Variants in PYGO1 observed in about 807,000 individuals in gnomAD.
PYGO1 encodes pygopus family PHD finger 1.
A neutral mutation model predicts 29.5 loss-of-function variants in PYGO1; 6 were observed. The ratio of observed to expected loss-of-function variants is 0.20; its 90% CI spans 0.11 to 0.40. PYGO1 has a LOEUF of 0.40. PYGO1 is among the 10% of genes least tolerant of loss of function. The probability of loss-of-function intolerance (pLI) is 1.00; values close to 1 mark genes in which losing one functional copy is unlikely to be tolerated. For missense variants in PYGO1, 515 were observed against 514.9 expected (o/e 1.00, Z 0.00); for synonymous variants, 186 against 180.5 (o/e 1.03, Z -0.24).
chr15:55,559,060 G>T (rs2058920699), intron 1 of PYGO1, among the ~76,000 whole-genome samples: 1 of 151,968 alleles, frequency 6.6e-6, no homozygotes, highest in Non-Finnish European at 1.5e-5. Context: ...CTACAGAATG[G>T]GAGAAAATTT....
intron 1 of PYGO1, among the ~76,000 whole-genome samples, chr15:55,578,036 C>G (rs2059010550): frequency 6.6e-6 from 1 of 152,098 alleles, no homozygotes; most frequent in Non-Finnish European, 1.5e-5. Context: ...CAACCTTAAT[C>G]TACCTTCTAT....
intron 1 of PYGO1, among the ~76,000 whole-genome samples, chr15:55,574,474 T>G (rs1233154802): frequency 2.6e-5 from 4 of 152,198 alleles, no homozygotes; most frequent in Non-Finnish European, 2.9e-5. Context: ...CGGTAGTAAA[T>G]AATAAAGTAG....
At chr15:55,577,663 CATT>C in intron 1 of PYGO1, among the ~76,000 whole-genome samples, 1 of 152,056 alleles carries the variant, frequency 6.6e-6, no homozygotes, top group Middle Eastern at 3.4e-3. Flanking sequence ...ATATAACCAT[CATT>C]ACCATCTAAT....
chr15:55,580,874 G>A (rs1050363395), intron 1 of PYGO1, among the ~76,000 whole-genome samples: 1 of 151,924 alleles, frequency 6.6e-6, no homozygotes. Flanking sequence ...TTCCCAGGAG[G>A]TAACTTCTCT....
At position 55,540,669 on chromosome 15, in the gene PYGO1, A is replaced by G. The variant is rs537774155; in HGVS notation, c.*5354T>C. On this transcript the variant is annotated 3_prime_UTR_variant, in exon 3 of 3. Coordinates refer to ENST00000563719, the MANE Select transcript of PYGO1 (RefSeq NM_001367806.1). Reference sequence around the variant, plus strand: ...CATAGTAATTTCCTTTGCCATAGGAATAAATGTTGGACAAAGTCTGGAAAC... The same window carrying G: ...CATAGTAATTTCCTTTGCCATAGGAGTAAATGTTGGACAAAGTCTGGAAAC... The G allele has an allele frequency of 2.6e-5, 4 of 152,186 alleles. No homozygotes were observed. The highest frequency in any genetic ancestry group is 3.2e-3 in the Middle Eastern group (1 of 316). The allele number at this position is 152,186 out of a possible 1,614,324, so 9.4% of individuals were successfully genotyped here.
intron 1 of PYGO1, among the ~76,000 whole-genome samples, chr15:55,558,401 C>T (rs1343208137): frequency 2.0e-5 from 3 of 151,892 alleles, no homozygotes; most frequent in South Asian, 2.1e-4. Flanking sequence ...GAATCAATAT[C>T]GTGAAAATGG....
rs184350361 is a variant in PYGO1 at position 55,588,121 on chromosome 15, T to C, written c.-238A>G. 2.4e-5 allele frequency: 19 copies of C among 802,658 alleles called. No homozygotes were observed. Among genetic ancestry groups the C allele is most frequent in the Non-Finnish European group, 2.9e-5 (19 of 666,382 alleles). 49.7% of individuals were successfully genotyped at this position (802,658 alleles called of 1,614,324 possible). On this transcript the variant is annotated 5_prime_UTR_variant, in exon 1 of 3. Transcript: ENST00000563719. Reference sequence around the variant, plus strand: ...GGGCACCGGCGGGGCTCAGCGGCGGTGGCCGGGAGCGCGGCCTGGGGGCGG... The same window carrying C: ...GGGCACCGGCGGGGCTCAGCGGCGGCGGCCGGGAGCGCGGCCTGGGGGCGG...
chr15:55,553,218 A>C (rs2058887804), intron 1 of PYGO1, among the ~76,000 whole-genome samples: 1 of 152,046 alleles, frequency 6.6e-6, no homozygotes, highest in South Asian at 2.1e-4. Flanking sequence ...AGGGTTATAC[A>C]AGCAGAACTC....
At chr15:55,554,090 C>A (rs543351296) in intron 1 of PYGO1, among the ~76,000 whole-genome samples, 1 of 152,096 alleles carries the variant, frequency 6.6e-6, no homozygotes, top group African/African-American at 2.4e-5. Context: ...AGAATCAACA[C>A]AAAAACGCTT....
intron 1 of PYGO1, among the ~76,000 whole-genome samples, chr15:55,571,952 C>T (rs369021131): frequency 6.6e-6 from 1 of 152,204 alleles, no homozygotes; most frequent in South Asian, 2.1e-4. Flanking sequence ...GAATACTATT[C>T]CATTTATTAG....
Position 55,588,258 on chromosome 15 carries a change from G to A in PYGO1, c.-375C>T, listed in dbSNP as rs1419718171. On this transcript the variant is annotated 5_prime_UTR_variant, in exon 1 of 3. Coordinates refer to ENST00000563719, the MANE Select transcript of PYGO1 (RefSeq NM_001367806.1). ...TCAGGAGCCGCTGACAGGGGAAGCA[G>A]GAGGCTCGCGGCCCGGCCCTGGCGG... is the stretch of plus-strand genomic sequence containing the variant. Among the ~76,000 whole-genome samples, 45 of 149,088 alleles carry A rather than the reference G, an allele frequency of 3.0e-4. No homozygotes were observed. Among genetic ancestry groups the A allele is most frequent in the Non-Finnish European group, 1.2e-4 (8 of 66,962 alleles).
intron 1 of PYGO1, among the ~76,000 whole-genome samples, 163 bp downstream of exon 1, chr15:55,587,672 G>C (rs2141683487): frequency 6.6e-6 from 1 of 152,002 alleles, no homozygotes; most frequent in East Asian, 2.0e-4. Flanking sequence ...CGGGCGCCCG[G>C]GCCGCGCGCT....
chr15:55,573,738 A>G (rs2058989637), intron 1 of PYGO1, among the ~76,000 whole-genome samples: 1 of 152,210 alleles, frequency 6.6e-6, no homozygotes, highest in African/African-American at 2.4e-5. Flanking sequence ...AAACTTAACT[A>G]CTAAAATAGG....
At chr15:55,585,297 A>G (rs1184295028) in intron 1 of PYGO1, among the ~76,000 whole-genome samples, 1 of 152,220 alleles carries the variant, frequency 6.6e-6, no homozygotes, top group African/African-American at 2.4e-5. Flanking sequence ...CAACCATTAA[A>G]AAGGTCTGTC....
intron 1 of PYGO1, among the ~76,000 whole-genome samples, chr15:55,575,315 A>G (rs1292030812): frequency 6.6e-6 from 1 of 152,208 alleles, no homozygotes; most frequent in Non-Finnish European, 1.5e-5. Context: ...GGTAATACAG[A>G]TACTGGTGGT....
upstream of PYGO1, among the ~76,000 whole-genome samples, chr15:55,588,539 C>A (rs866223370): frequency 3.2e-3 from 474 of 147,350 alleles, 3 homozygotes; most frequent in Non-Finnish European, 5.0e-3. Flanking sequence ...CGGCCCAGCC[C>A]CCACGGCCCG....
chr15:55,587,056 C>A (rs2059049898), intron 1 of PYGO1, among the ~76,000 whole-genome samples: 1 of 152,180 alleles, frequency 6.6e-6, no homozygotes, highest in Admixed American at 6.5e-5. Flanking sequence ...GAGTACTACT[C>A]CAACTCTAGA....
chr15:55,560,911 C>T (rs1239762684), intron 1 of PYGO1, among the ~76,000 whole-genome samples: 3 of 152,136 alleles, frequency 2.0e-5, no homozygotes, highest in Non-Finnish European at 4.4e-5. Context: ...CGAGATCATG[C>T]CACTGCACTC....
chr15:55,578,133 A>G (rs1175783342), intron 1 of PYGO1, among the ~76,000 whole-genome samples: 2 of 152,168 alleles, frequency 1.3e-5, no homozygotes. Context: ...GTTTAGCATA[A>G]CATTTTCAAG....
Sources: gnomAD v4.1 joint callset for allele counts (sites outside exome capture counted in the v4.1 genomes callset) on GRCh38, gnomAD v4.1.1 for gene constraint, MANE v1.5 for transcripts, NCBI Gene and HGNC (gene_info 2026-07-23, HGNC 2026-07-21) for gene names.